SUFU: variants seen among roughly 807,000 people sequenced by gnomAD.
SUFU encodes suppressor of fused homolog.
In SUFU, 7 loss-of-function variants were observed where a neutral mutation model predicts 58.9. The ratio of observed to expected loss-of-function variants is 0.12; its 90% confidence interval spans 0.07 to 0.22. SUFU has a LOEUF of 0.22. SUFU is among the 10% of genes least tolerant of loss of function. The pLI is 1.00. For synonymous variants in SUFU, 232 were observed against 254.8 expected (o/e 0.91, Z 0.85); for missense variants, 451 against 641.3 (o/e 0.70, Z 3.20).
chr10:102,557,230 TAAA>T (rs1478018952), intron 3 of SUFU, among the ~76,000 whole-genome samples: 6 of 120,942 alleles, frequency 5.0e-5, no homozygotes, highest in African/African-American at 6.2e-5. Flanking sequence ...ACCCTGCCTC[TAAA>T]AAAAAAAAAA....
intron 2 of SUFU, among the ~76,000 whole-genome samples, chr10:102,510,932 C>G (rs1467744012): frequency 6.6e-6 from 1 of 151,810 alleles, no homozygotes; most frequent in East Asian, 1.9e-4. Flanking sequence ...ACAAGCCTGA[C>G]CAACATGGAG....
intron 10 of SUFU, among the ~76,000 whole-genome samples, chr10:102,622,469 A>G (rs777813299): frequency 2.6e-5 from 4 of 152,084 alleles, no homozygotes; most frequent in Non-Finnish European, 5.9e-5. Context: ...ATTGCCAGGC[A>G]CGGTGGCTCA....
intron 1 of SUFU, among the ~76,000 whole-genome samples, chr10:102,507,960 CA>C (rs1183981773): frequency 8.9e-4 from 116 of 130,770 alleles, no homozygotes; most frequent in African/African-American, 3.0e-3. Flanking sequence ...ATTTCTTATC[CA>C]TTTTTTTTTT....
intron 10 of SUFU, chr10:102,618,991 A>C: frequency 8.2e-7 from 1 of 1,216,768 alleles, no homozygotes; most frequent in South Asian, 1.2e-5. Context: ...ATGTTCAAGC[A>C]CGTTTTCCTG....
At chr10:102,602,917 C>G (rs2063526988) in intron 8 of SUFU, among the ~76,000 whole-genome samples, 1 of 152,176 alleles carries the variant, frequency 6.6e-6, no homozygotes, top group African/African-American at 2.4e-5. Flanking sequence ...GCTGGCGCCT[C>G]CCTTCCCACT....
At position 102,615,419 on chromosome 10, in the gene SUFU, T is replaced by G. The variant is rs2135930605; in HGVS notation, c.1157+17T>G. 2 of 1,613,898 alleles carry G rather than the reference T, an allele frequency of 1.2e-6. No homozygotes were observed. The highest frequency in any genetic ancestry group is 8.5e-7 in the Non-Finnish European group (1 of 1,179,856). On this transcript the variant is annotated intron_variant, in intron 9 of 11. Transcript: ENST00000369902. ...CTGCCTAAGGTGAGCGAGACAGCCC[T>G]GCCACACAGTTTACCCCACAGCACC...
At chr10:102,618,978 G>GTGTGTGTT in intron 10 of SUFU, 1 of 936,430 alleles carries the variant, frequency 1.1e-6, no homozygotes, top group Non-Finnish European at 1.8e-6. Context: ...GTGTGTGTGT[G>GTGTGTGTT]TAATGTTCAA....
At chr10:102,524,332 T>C (rs2062585652) in intron 2 of SUFU, among the ~76,000 whole-genome samples, 1 of 148,332 alleles carries the variant, frequency 6.7e-6, no homozygotes, top group Non-Finnish European at 1.5e-5. Flanking sequence ...TTCTTTTCTT[T>C]TTTTTTTTTT....
chr10:102,540,253 A>C (rs1460024360), intron 2 of SUFU, among the ~76,000 whole-genome samples: 1 of 152,200 alleles, frequency 6.6e-6, no homozygotes, highest in African/African-American at 2.4e-5. Flanking sequence ...CCCAGTGGCC[A>C]GAACTAGGAA....
intron 1 of SUFU, among the ~76,000 whole-genome samples, chr10:102,508,496 CAG>C (rs2062358516): frequency 6.6e-6 from 1 of 152,140 alleles, no homozygotes; most frequent in African/African-American, 2.4e-5. Context: ...CAGATGCTCA[CAG>C]GGCGCAGTTT....
chr10:102,553,338 G>A (rs2062939851), intron 3 of SUFU, among the ~76,000 whole-genome samples: 1 of 152,138 alleles, frequency 6.6e-6, no homozygotes, highest in African/African-American at 2.4e-5. Flanking sequence ...TTAGACTTGT[G>A]CTCTGTGTGC....
At chr10:102,607,336 G>A (rs2063571810) in intron 8 of SUFU, among the ~76,000 whole-genome samples, 2 of 152,050 alleles carry the variant, frequency 1.3e-5, no homozygotes, top group East Asian at 1.9e-4. Flanking sequence ...GGCATGAGCC[G>A]CCACGCCCAG....
chr10:102,607,079 G>A (rs578176803), intron 8 of SUFU, among the ~76,000 whole-genome samples: 1 of 142,522 alleles, frequency 7.0e-6, no homozygotes, highest in Non-Finnish European at 1.5e-5. Flanking sequence ...TTTTTTTTGA[G>A]ACGGCGTCTG....
chr10:102,610,364 G>T (rs1310676509), intron 8 of SUFU, among the ~76,000 whole-genome samples: 1 of 143,226 alleles, frequency 7.0e-6, no homozygotes, highest in African/African-American at 2.7e-5. Flanking sequence ...TTGCACTCCA[G>T]CCTGGGCGTC....
chr10:102,551,666 T>A (rs2062917160), intron 3 of SUFU, among the ~76,000 whole-genome samples: 1 of 150,196 alleles, frequency 6.7e-6, no homozygotes, highest in East Asian at 1.9e-4. Context: ...ATCACAGTAG[T>A]TGTGAAACAG....
intron 2 of SUFU, among the ~76,000 whole-genome samples, chr10:102,519,867 G>A (rs982067168): frequency 6.6e-6 from 1 of 152,152 alleles, no homozygotes; most frequent in Middle Eastern, 3.4e-3. Context: ...CGTTTCCTGG[G>A]TTCAAGCAAT....
intron 2 of SUFU, among the ~76,000 whole-genome samples, chr10:102,512,948 G>T (rs2062419075): frequency 6.6e-6 from 1 of 151,982 alleles, no homozygotes; most frequent in Admixed American, 6.6e-5. Context: ...GTGCATCGTA[G>T]CCCTAGCTGC....
chr10:102,604,318 C>T (rs1269184617), intron 8 of SUFU, among the ~76,000 whole-genome samples: 2 of 152,242 alleles, frequency 1.3e-5, no homozygotes, highest in African/African-American at 2.4e-5. Context: ...AGTGCCTTTA[C>T]AGGCCTTTCT....
In SUFU at chr10:102,617,453, C is replaced by T; in HGVS notation, c.1296+25C>T. 6.2e-7 allele frequency: 1 copy of T among 1,614,144 alleles called. No individual in the cohort carries two copies. Among genetic ancestry groups the T allele is most frequent in the Non-Finnish European group, 8.5e-7 (1 of 1,179,980 alleles). ...AGTGAGAAGGCCCTTTTTCTTCTCC[C>T]TCCTTCCTTTCATAGACTTCCTTGC... On this transcript the variant is annotated intron_variant, in intron 10 of 11. Coordinates refer to ENST00000369902, the MANE Select transcript of SUFU (RefSeq NM_016169.4). The surrounding 1 kb of genome is among the most constrained non-coding windows in gnomAD (Gnocchi z 4.4).
Sources: gnomAD v4.1 joint callset for allele counts (sites outside exome capture counted in the v4.1 genomes callset) on GRCh38, gnomAD v4.1.1 for gene constraint, Gnocchi (gnomAD v3.1) non-coding constraint, MANE v1.5 for transcripts, NCBI Gene and HGNC (gene_info 2026-07-23, HGNC 2026-07-21) for gene names.